The following PPP6R1 variants were observed in gnomAD, a reference collection of about 807,000 sequenced individuals.
PPP6R1 encodes the protein serine/threonine-protein phosphatase 6 regulatory subunit 1.
Under a neutral mutation model 104.6 loss-of-function variants are expected in PPP6R1, and 39 were observed. The observed-to-expected ratio is 0.37, with a 90% CI of 0.29 to 0.49. The LOEUF (loss-of-function observed/expected upper bound fraction) is 0.49, where lower values mean the gene tolerates loss of function less well. PPP6R1 is among the 20% of genes least tolerant of loss of function. The probability of loss-of-function intolerance (pLI) is 0.98; values close to 1 mark genes in which losing one functional copy is unlikely to be tolerated. For missense variants in PPP6R1, 1,181 were observed against 1,155.8 expected (o/e 1.02, Z -0.32); for synonymous variants, 549 against 479.0 (o/e 1.15, Z -1.91).
chr19:55,242,608 G>T (rs1220513288), intron 5 of PPP6R1, 120 bp from the exon 6 acceptor site: 2 of 806,690 alleles, frequency 2.5e-6, no homozygotes, highest in Non-Finnish European at 4.2e-6. Flanking sequence ...CAGACACAGG[G>T]ACACGTGTTA....
In PPP6R1 at chr19:55,229,977, G is replaced by C. The variant is rs1018171563; in HGVS notation, c.*551C>G. 2 of 153,252 alleles carry C rather than the reference G, an allele frequency of 1.3e-5. No individual in the cohort carries two copies. The highest frequency in any genetic ancestry group is 2.9e-5 in the Non-Finnish European group (2 of 68,704). 9.5% of individuals were successfully genotyped at this position (153,252 alleles called of 1,614,324 possible). A position where few individuals can be genotyped will look rare whatever the true frequency, so the allele number is the denominator to read the frequency against. ...TCCCCAGAGCCGGACTGGCCTGGTT[G>C]AAAGTGCAGGGTCTGGGCAAAGGCA... On this transcript the variant is annotated 3_prime_UTR_variant, in exon 24 of 24. Transcript: ENST00000412770.
At chr19:55,248,462 C>T (rs1262187322) in intron 1 of PPP6R1, among the ~76,000 whole-genome samples, 2 of 152,266 alleles carry the variant, frequency 1.3e-5, no homozygotes, top group Non-Finnish European at 2.9e-5. Flanking sequence ...GAGGCCACTG[C>T]TACCCCCAAG....
intron 5 of PPP6R1, 30 bp from the exon 6 acceptor site, chr19:55,242,518 T>C (rs2087468007): frequency 1.3e-6 from 2 of 1,586,528 alleles, no homozygotes; most frequent in Non-Finnish European, 1.7e-6. Context: ...GTGAGGATCC[T>C]GGTCGGGCCA....
chr19:55,242,385 G>A lies in PPP6R1; in HGVS notation c.722C>T (p.Thr241Ile). The stretch of plus-strand genomic sequence containing the variant: ...TTGCCCGCACACCCACTTCTCCAGG[G>A]TGGCCAGCAGTTGGTCAGGCTCTGG... ...DSPEPDQLLATLEKQETIEQL... is the reference protein window; with the variant it reads ...DSPEPDQLLAILEKQETIEQL... Residue 241 changes from threonine to isoleucine, a missense_variant, in exon 6 of 24, where the codon ACC (threonine) becomes ATC (isoleucine). Around this residue, in one of 2 missense-constraint regions of PPP6R1, gnomAD observed 1,042 missense variants for 955.6 expected, o/e 1.09. Coordinates refer to ENST00000412770, the MANE Select transcript of PPP6R1 (RefSeq NM_014931.4). 6.2e-7 allele frequency: 1 copy of A among 1,613,472 alleles called. No homozygotes were observed. Among genetic ancestry groups the A allele is most frequent in the Non-Finnish European group, 8.5e-7 (1 of 1,179,404 alleles).
At position 55,232,193 on chromosome 19, in the gene PPP6R1, G is replaced by C. The variant is rs756467517; in HGVS notation, c.2007C>G (p.Asp669Glu). Residue 669 changes from aspartate (D) to glutamate (E), a missense_variant, in exon 18 of 24, where the codon GAC (aspartate) becomes GAG (glutamate). By Grantham distance (45) the Asp-to-Glu change is conservative (BLOSUM62 2). Coordinates refer to ENST00000412770, the MANE Select transcript of PPP6R1 (RefSeq NM_014931.4). ...PPGVRSGGST[D>E]SEDEEEEDEE... ...CGTCCTCCTCTTCTTCGTCCTCACT[G>C]TCTGTGCTGCCTCCACTCCTGCCCC... is the stretch of plus-strand genomic sequence containing the variant. The C allele has an allele frequency of 1.3e-6, 2 of 1,554,768 alleles. No homozygotes were observed. The highest frequency in any genetic ancestry group is 2.4e-5 in the South Asian group (2 of 84,058).
rs765535561 is a variant in PPP6R1, at chr19:55,230,240, C to T, written c.*288G>A. On this transcript the variant is annotated 3_prime_UTR_variant, in exon 24 of 24. Transcript: ENST00000412770. Reference sequence around the variant, plus strand: ...GTCCTCACTCTCTCTCGCTCTCCTCCCTCTCTCTATATAATATATAATATA... The same window carrying T: ...GTCCTCACTCTCTCTCGCTCTCCTCTCTCTCTCTATATAATATATAATATA... 83 of 461,250 alleles carry T rather than the reference C, an allele frequency of 1.8e-4. No individual in the cohort carries two copies. Among genetic ancestry groups the T allele is most frequent in the Middle Eastern group, 1.7e-3 (3 of 1,718 alleles). 28.6% of individuals were successfully genotyped at this position (461,250 alleles called of 1,614,324 possible). A position where few individuals can be genotyped will look rare whatever the true frequency, so the allele number is the denominator to read the frequency against.
chr19:55,229,875 G>A lies in PPP6R1; in HGVS notation c.*653C>T. 6.5e-6 allele frequency: 1 copy of A among 153,866 alleles called. No individual in the cohort carries two copies. The highest frequency in any genetic ancestry group is 7.5e-4 in the Middle Eastern group (1 of 1,332). The allele number at this position is 153,866 out of a possible 1,614,324, so 9.5% of individuals were successfully genotyped here. A position where few individuals can be genotyped will look rare whatever the true frequency, so the allele number is the denominator to read the frequency against. On this transcript the variant is annotated 3_prime_UTR_variant, in exon 24 of 24. Transcript: ENST00000412770. ...CACCAGCCTGGGAGGAGGGAGCTGG[G>A]GACAAGGTCACTTGGCAACAGGGCT...
chr19:55,253,869 G>T (rs369720519), intron 1 of PPP6R1, among the ~76,000 whole-genome samples: 2 of 152,124 alleles, frequency 1.3e-5, no homozygotes, highest in Non-Finnish European at 2.9e-5. Context: ...CTGGGCAGGC[G>T]CTTGATTTCT....
At chr19:55,232,340 A>G in intron 17 of PPP6R1, 129 bp from the exon 18 acceptor site, 3 of 1,393,566 alleles carry the variant, frequency 2.2e-6, no homozygotes, top group Non-Finnish European at 2.8e-6. Flanking sequence ...AGAAGGGTCC[A>G]GGGAGCCTGG....
chr19:55,252,563 T>C (rs770503517), intron 1 of PPP6R1, among the ~76,000 whole-genome samples: 18 of 152,034 alleles, frequency 1.2e-4, no homozygotes, highest in Non-Finnish European at 2.4e-4. Context: ...ACCCAGCTAA[T>C]TTTTGTGTGT....
At position 55,230,469 on chromosome 19, in the gene PPP6R1, C is replaced by T; in HGVS notation, c.*59G>A. The stretch of plus-strand genomic sequence containing the variant: ...GGCCATCGTGGGACCCGCCCTGCCC[C>T]CACCCCGGGAGATCCACGGGAGGAC... On this transcript the variant is annotated 3_prime_UTR_variant, in exon 24 of 24. Transcript: ENST00000412770. 6 of 1,609,798 alleles carry T rather than the reference C, an allele frequency of 3.7e-6. No homozygotes were observed. The highest frequency in any genetic ancestry group is 5.1e-6 in the Non-Finnish European group (6 of 1,178,174).
chr19:55,255,837 G>C (rs1292702783), intron 1 of PPP6R1: 1 of 152,498 alleles, frequency 6.6e-6, no homozygotes, highest in African/African-American at 2.4e-5. Flanking sequence ...CCTCCCCCCC[G>C]CATCTGTGTT....
chr19:55,240,136 G>A (rs1297711026), intron 11 of PPP6R1, 22 bp from the exon 12 acceptor site: 3 of 1,565,292 alleles, frequency 1.9e-6, no homozygotes, highest in East Asian at 2.4e-5. Context: ...GAAGGCCGCG[G>A]CTGCAAGCCA....
In PPP6R1 at chr19:55,242,231, C is replaced by G; in HGVS notation, c.780G>C (p.Gln260His). ...TCCCACTGACGATGACAGACTGGCT[C>G]TGCTCCCCCTCGAACATGTTGCTTA... ...QLLSNMFEGE[Q>H]SQSVIVSGIQ... The change falls in exon 7 of 24, where the codon CAG (glutamine) becomes CAC (histidine). Residue 260 changes from glutamine (Q) to histidine (H), a missense_variant. Gln to His is a conservative substitution (Grantham distance 24). Transcript: ENST00000412770. 6.2e-7 allele frequency: 1 copy of G among 1,613,950 alleles called. No individual in the cohort carries two copies. The highest frequency in any genetic ancestry group is 1.1e-5 in the South Asian group (1 of 91,088).
At chr19:55,256,060 A>T (rs1364391723) in intron 1 of PPP6R1, among the ~76,000 whole-genome samples, 2 of 152,222 alleles carry the variant, frequency 1.3e-5, no homozygotes, top group Non-Finnish European at 2.9e-5. Flanking sequence ...TGTTAAGAGC[A>T]CTGGGCCACA....
intron 1 of PPP6R1, among the ~76,000 whole-genome samples, chr19:55,257,078 T>TAAAAAA (rs35336959): frequency 1.1e-5 from 1 of 94,276 alleles, no homozygotes; most frequent in African/African-American, 4.0e-5. Context: ...GAACTAGAGT[T>TAAAAAA]AAAAAAAAAA....
At chr19:55,235,740 G>T (rs1456714709) in intron 17 of PPP6R1, among the ~76,000 whole-genome samples, 1 of 151,208 alleles carries the variant, frequency 6.6e-6, no homozygotes. Context: ...GGATGGTCTT[G>T]ATCTCCTGAC....
At chr19:55,247,549 A>G (rs1179716152) in intron 1 of PPP6R1, among the ~76,000 whole-genome samples, 1 of 152,156 alleles carries the variant, frequency 6.6e-6, no homozygotes, top group Non-Finnish European at 1.5e-5. Context: ...TACTTTTGGG[A>G]GAGACACTGC....
intron 1 of PPP6R1, among the ~76,000 whole-genome samples, chr19:55,254,137 A>C (rs2087574697): frequency 6.6e-6 from 1 of 152,210 alleles, no homozygotes; most frequent in Admixed American, 6.5e-5. Flanking sequence ...AAGTGACTCA[A>C]GTACTTTTCC....
Sources: allele counts gnomAD v4.1 joint callset (sites outside exome capture counted in the v4.1 genomes callset), GRCh38; gene constraint gnomAD v4.1.1; regional missense constraint gnomAD v4.1.1; transcripts MANE v1.5; gene names NCBI Gene and HGNC (gene_info 2026-07-23, HGNC 2026-07-21).